The following CEP112 variants were observed in gnomAD, a reference collection of about 807,000 sequenced individuals.
CEP112 encodes centrosomal protein 112, also known as centrosomal protein of 112 kDa.
In CEP112, 127 loss-of-function variants were observed where a neutral mutation model predicts 153.0. That is an observed-to-expected ratio of 0.83 (90% confidence interval 0.72 to 0.96). CEP112 has a LOEUF of 0.96. Among genes scored for constraint, CEP112 ranks in the 40% least tolerant of loss-of-function variants. The pLI, the probability that CEP112 is intolerant of heterozygous loss-of-function variation, is 0.00. For missense variants in CEP112, 1,089 were observed against 1,101.2 expected (o/e 0.99, Z 0.16); for synonymous variants, 358 against 374.4 (o/e 0.96, Z 0.51).
At chr17:65,648,088 T>C (rs1338500219) in intron 24 of CEP112, among the ~76,000 whole-genome samples, 1 of 152,210 alleles carries the variant, frequency 6.6e-6, no homozygotes, top group Non-Finnish European at 1.5e-5. Context: ...GTGATGTCTA[T>C]TAAACACGAA....
intron 8 of CEP112, among the ~76,000 whole-genome samples, chr17:66,092,903 T>A (rs958620706): frequency 6.6e-6 from 1 of 152,178 alleles, no homozygotes; most frequent in Non-Finnish European, 1.5e-5. Flanking sequence ...AACCCATTGA[T>A]AACAATATAT....
At position 65,947,376 on chromosome 17, in the gene CEP112, A is replaced by AAAC. The variant is rs2061684365; in HGVS notation, c.1872+14086_1872+14087insGTT. Among the ~76,000 whole-genome samples the AAAC allele has an allele frequency of 3.9e-5, 6 of 152,294 alleles. 1 individual carries two copies. In the South Asian group the frequency reaches 1.2e-3, roughly 32 times the overall value. On this transcript the variant is annotated intron_variant, in intron 18 of 26. Transcript: ENST00000535342. ...GTATTCATAAATTTTTTATGAATAAATGAAAGAAAAAATCCCGTCTGTTGA... is the reference window on the plus strand; with the variant it reads ...GTATTCATAAATTTTTTATGAATAAAAACTGAAAGAAAAAATCCCGTCTGTTGA...
At chr17:66,011,645 G>T (rs2064532403) in intron 16 of CEP112, among the ~76,000 whole-genome samples, 1 of 151,976 alleles carries the variant, frequency 6.6e-6, no homozygotes, top group Admixed American at 6.6e-5. Flanking sequence ...TTGTGTGCTT[G>T]GTTTTAGAGT....
At chr17:66,020,868 T>A (rs192153917) in intron 16 of CEP112, among the ~76,000 whole-genome samples, 1 of 152,278 alleles carries the variant, frequency 6.6e-6, no homozygotes, top group East Asian at 1.9e-4. Flanking sequence ...ACGTGCCTCA[T>A]CTACTTGGAA....
At chr17:65,950,584 T>A (rs1038599454) in intron 18 of CEP112, among the ~76,000 whole-genome samples, 1 of 152,132 alleles carries the variant, frequency 6.6e-6, no homozygotes, top group African/African-American at 2.4e-5. Flanking sequence ...TGCAAGCTTG[T>A]TTAAATCATG....
At chr17:65,660,377 TCCTTCCTTCCTCCCTCCCTC>T (rs1365595987) in intron 24 of CEP112, among the ~76,000 whole-genome samples, 22 of 130,674 alleles carry the variant, frequency 1.7e-4, no homozygotes, top group African/African-American at 6.3e-4. Flanking sequence ...CTCCCTTCCT[TCCTTCCTTCCTCCCTCCCTC>T]CCTTCCTTTC....
chr17:65,644,339 C>G, intron 24 of CEP112: 1 of 565,176 alleles, frequency 1.8e-6, no homozygotes, highest in Non-Finnish European at 3.2e-6. Context: ...ATGGTGAAGC[C>G]CAATGGTGAG....
intron 23 of CEP112, among the ~76,000 whole-genome samples, chr17:65,694,586 A>G (rs748066545): frequency 6.6e-6 from 1 of 152,226 alleles, no homozygotes; most frequent in Non-Finnish European, 1.5e-5. Flanking sequence ...ATCAGTTAAA[A>G]AACTGAAAAG....
intron 19 of CEP112, chr17:65,913,326 G>C: frequency 5.7e-6 from 1 of 174,152 alleles, no homozygotes; most frequent in Non-Finnish European, 1.1e-5. Context: ...TGTGCTATTG[G>C]ATACTTCACT....
In CEP112 at chr17:66,069,171, G is replaced by C. The variant is rs139160239; in HGVS notation, c.855+744C>G. On this transcript the variant is annotated intron_variant, in intron 9 of 26. Coordinates refer to ENST00000535342, the MANE Select transcript of CEP112 (RefSeq NM_001199165.4). ...CTGCAACTACCTGCCTCTGTCTCTA[G>C]TACTCAGTTTTGGGAAGCAGAATCA... 2.6e-4 allele frequency among the ~76,000 whole-genome samples: 40 copies of C among 151,946 alleles called. No homozygotes were observed. In the East Asian group the frequency reaches 6.6e-3, roughly 25 times the overall value.
intron 21 of CEP112, among the ~76,000 whole-genome samples, chr17:65,752,747 G>C (rs1050651000): frequency 6.6e-6 from 1 of 152,124 alleles, no homozygotes; most frequent in Non-Finnish European, 1.5e-5. Flanking sequence ...GTATCCTTCA[G>C]GTCTTCCTTC....
At chr17:65,661,116 C>A (rs1009556159) in intron 24 of CEP112, among the ~76,000 whole-genome samples, 1 of 152,112 alleles carries the variant, frequency 6.6e-6, no homozygotes, top group Non-Finnish European at 1.5e-5. Context: ...TGGCATTTTC[C>A]CCAAAAGTCC....
rs529397589 is a variant in CEP112, at chr17:65,985,753, C to T, written c.1736+19937G>A. On this transcript the variant is annotated intron_variant, in intron 17 of 26. Transcript: ENST00000535342. ...ATTTTGTAGAAAGCTAACCGTGTTC[C>T]ACTGCTCAGGAGGTCATACAGCTCT... Among the ~76,000 whole-genome samples the T allele has an allele frequency of 2.3e-3, 345 of 152,056 alleles. 1 individual carries two copies. The highest frequency in any genetic ancestry group is 7.1e-3 in the African/African-American group (295 of 41,490).
chr17:66,100,080 G>T (rs753412854), intron 6 of CEP112, among the ~76,000 whole-genome samples: 1 of 152,052 alleles, frequency 6.6e-6, no homozygotes, highest in Non-Finnish European at 1.5e-5. Context: ...AAACATGGAA[G>T]AGTAACAAAA....
intron 23 of CEP112, among the ~76,000 whole-genome samples, chr17:65,736,264 G>A (rs952140522): frequency 4.6e-5 from 7 of 152,110 alleles, no homozygotes; most frequent in South Asian, 2.1e-4. Context: ...TCTGACTTCC[G>A]TGAGTAGGTG....
intron 21 of CEP112, among the ~76,000 whole-genome samples, chr17:65,832,181 T>C (rs1351824971): frequency 6.6e-6 from 1 of 152,084 alleles, no homozygotes; most frequent in Admixed American, 6.6e-5. Flanking sequence ...CTCTGGGACA[T>C]AGCTAAGGCA....
At chr17:65,836,218 AAAGG>A (rs1365131359) in intron 21 of CEP112, among the ~76,000 whole-genome samples, 2 of 152,254 alleles carry the variant, frequency 1.3e-5, no homozygotes, top group Non-Finnish European at 2.9e-5. Flanking sequence ...AGACAGTAAA[AAAGG>A]AAGGAAGGAT....
chr17:65,779,234 G>A (rs1239769748), intron 21 of CEP112, among the ~76,000 whole-genome samples: 1 of 152,088 alleles, frequency 6.6e-6, no homozygotes, highest in African/African-American at 2.4e-5. Flanking sequence ...AAACACAAAA[G>A]CTAATAATTG....
intron 24 of CEP112, among the ~76,000 whole-genome samples, chr17:65,686,707 C>G (rs232117): frequency 6.6e-6 from 1 of 151,926 alleles, no homozygotes; most frequent in Non-Finnish European, 1.5e-5. Context: ...ACTTGGCACA[C>G]GATGGGCAAG....
Sources: allele counts gnomAD v4.1 joint callset (sites outside exome capture counted in the v4.1 genomes callset), GRCh38; gene constraint gnomAD v4.1.1; transcripts MANE v1.5; gene names NCBI Gene and HGNC (gene_info 2026-07-23, HGNC 2026-07-21).